CTNNA1: variants seen among roughly 807,000 people sequenced by gnomAD.
CTNNA1 encodes the protein catenin alpha 1.
CTNNA1 carries 37 observed loss-of-function variants against 98.4 expected under a neutral mutation model. The observed-to-expected ratio is 0.38, with a 90% CI of 0.29 to 0.49. The LOEUF (loss-of-function observed/expected upper bound fraction) is 0.49. CTNNA1 is among the 20% of genes least tolerant of loss of function. The pLI is 0.95. For synonymous variants in CTNNA1, 404 were observed against 413.2 expected (o/e 0.98, Z 0.27); for missense variants, 761 against 1,147.2 (o/e 0.66, Z 4.86).
intron 17 of CTNNA1, among the ~76,000 whole-genome samples, chr5:138,933,505 T>A (rs183357590): frequency 1.4e-4 from 22 of 152,370 alleles, no homozygotes; most frequent in African/African-American, 5.0e-4. Flanking sequence ...TGGGATCACT[T>A]ACAGTGACTT....
chr5:138,866,935 C>T (rs546580429), intron 7 of CTNNA1, among the ~76,000 whole-genome samples: 4 of 152,032 alleles, frequency 2.6e-5, no homozygotes, highest in Admixed American at 6.6e-5. Context: ...ACATGACTAC[C>T]CCAAATTTTT....
chr5:138,788,738 C>T (rs1755997283), intron 3 of CTNNA1, among the ~76,000 whole-genome samples: 1 of 152,114 alleles, frequency 6.6e-6, no homozygotes, highest in Non-Finnish European at 1.5e-5. Flanking sequence ...ATGAGAAGAC[C>T]TAAATGAAGC....
chr5:138,777,738 A>G (rs1313892082), intron 1 of CTNNA1, among the ~76,000 whole-genome samples: 3 of 151,148 alleles, frequency 2.0e-5, no homozygotes, highest in African/African-American at 4.9e-5. Context: ...CGCGCCTGCA[A>G]TCACAGGCAC....
chr5:138,820,384 C>T (rs954872267), intron 5 of CTNNA1, among the ~76,000 whole-genome samples: 6 of 152,084 alleles, frequency 3.9e-5, no homozygotes, highest in African/African-American at 1.2e-4. Context: ...GGGCAGGTCA[C>T]AGTCTCGTCC....
At chr5:138,777,289 C>T (rs1754422771) in intron 1 of CTNNA1, among the ~76,000 whole-genome samples, 1 of 151,644 alleles carries the variant, frequency 6.6e-6, no homozygotes, top group African/African-American at 2.4e-5. Context: ...TCCTCACTTC[C>T]TAGATGGGAT....
chr5:138,837,481 C>G (rs1424529220), intron 7 of CTNNA1, among the ~76,000 whole-genome samples: 2 of 104,690 alleles, frequency 1.9e-5, no homozygotes, highest in Non-Finnish European at 3.8e-5. Flanking sequence ...CCTCTTGATC[C>G]TCCCCCTCCT....
At position 138,810,113 on chromosome 5, in the gene CTNNA1, G is replaced by C. The variant is rs371054484; in HGVS notation, c.377G>C (p.Arg126Pro). 6.8e-6 allele frequency: 11 copies of C among 1,614,126 alleles called. No individual in the cohort carries two copies. The highest frequency in any genetic ancestry group is 1.1e-5 in the South Asian group (1 of 91,086). ...CSSVKRGNMV[R>P]AARALLSAVT... Reference sequence around the variant, plus strand: ...TCTGTGAAGCGAGGCAACATGGTTCGGGCAGCTCGAGCTTTGCTCTCTGCT... The same window carrying C: ...TCTGTGAAGCGAGGCAACATGGTTCCGGCAGCTCGAGCTTTGCTCTCTGCT... The change falls in exon 4 of 18, where the codon CGG becomes CCG. Residue 126 changes from arginine (R) to proline (P), a missense_variant. By Grantham distance (103) the Arg-to-Pro change is moderately radical. Around this residue, in one of 6 missense-constraint regions of CTNNA1, gnomAD observed 328 missense variants for 354.3 expected, o/e 0.93. Transcript: ENST00000302763.
intron 2 of CTNNA1, 114 bp from the exon 3 acceptor site, chr5:138,783,063 T>G (rs571250187): frequency 1.3e-6 from 1 of 752,738 alleles, no homozygotes; most frequent in South Asian, 2.4e-5. Context: ...TATGTTAATG[T>G]TCAGTGGAAT....
chr5:138,810,943 G>C (rs1432226496), intron 4 of CTNNA1, among the ~76,000 whole-genome samples: 6 of 140,696 alleles, frequency 4.3e-5, no homozygotes, highest in Non-Finnish European at 9.8e-5. Context: ...CTCCCTCCCG[G>C]ACGGGGCAGC....
At chr5:138,849,566 T>C in intron 7 of CTNNA1, among the ~76,000 whole-genome samples, 1 of 152,242 alleles carries the variant, frequency 6.6e-6, no homozygotes, top group East Asian at 1.9e-4. Context: ...GGAAAATCTT[T>C]ATAGTTAAGC....
Position 138,761,241 on chromosome 5 carries a change from T to C in CTNNA1, c.-3+7731T>C, listed in dbSNP as rs573626184. Among the ~76,000 whole-genome samples the C allele has an allele frequency of 5.3e-5, 8 of 152,322 alleles. No homozygotes were observed. In the East Asian group the frequency reaches 1.5e-3, roughly 29 times the overall value. On this transcript the variant is annotated intron_variant, in intron 1 of 17. Transcript: ENST00000302763. ...TGTGGAGGTGATCACACAACTGTTA[T>C]TTATTTTTTTTGAGACAGAGTCTCA...
intron 10 of CTNNA1, among the ~76,000 whole-genome samples, 162 bp from the exon 11 acceptor site, chr5:138,917,580 A>G (rs879525347): frequency 1.3e-5 from 2 of 152,212 alleles, no homozygotes; most frequent in Non-Finnish European, 2.9e-5. Context: ...ATATGTATTA[A>G]TTCAACTTCA....
At position 138,934,323 on chromosome 5, in the gene CTNNA1, AAAAATT is replaced by A. The variant is rs1416921330; in HGVS notation, c.*235_*240del. 2 of 512,610 alleles carry A rather than the reference AAAAATT, an allele frequency of 3.9e-6. No homozygotes were observed. The highest frequency in any genetic ancestry group is 6.9e-6 in the Non-Finnish European group (2 of 291,300). 31.8% of individuals were successfully genotyped at this position (512,610 alleles called of 1,614,324 possible). On this transcript the variant is annotated 3_prime_UTR_variant, in exon 18 of 18. Transcript: ENST00000302763. ...ATTTTTTGTATGCTTAAATAAAAAT[AAAAATT>A]CATAACCAAAGAGAATCCCACATTA...
chr5:138,889,636 C>A (rs1277629180), intron 9 of CTNNA1, among the ~76,000 whole-genome samples: 1 of 143,482 alleles, frequency 7.0e-6, no homozygotes, highest in African/African-American at 2.6e-5. Context: ...GCCCCCCCAC[C>A]CCCACCCCCC....
intron 1 of CTNNA1, among the ~76,000 whole-genome samples, chr5:138,765,255 G>C (rs998923211): frequency 1.2e-4 from 18 of 152,098 alleles, no homozygotes; most frequent in African/African-American, 4.3e-4. Context: ...TGGCCAGGCT[G>C]GTCTCAAACT....
Position 138,791,615 on chromosome 5 carries a change from C to CAAAAAA in CTNNA1, c.301+8265_301+8270dup, listed in dbSNP as rs1181055311. On this transcript the variant is annotated intron_variant, in intron 3 of 17. Transcript: ENST00000302763. The stretch of plus-strand genomic sequence containing the variant: ...CTGGAGACAGAGCAAGACTCCGTCT[C>CAAAAAA]AAAAAAAAAAAAAAAAAAAAAAAAA... 7.5e-3 allele frequency among the ~76,000 whole-genome samples: 302 copies of CAAAAAA among 40,250 alleles called. 42 individuals are homozygous for CAAAAAA. Among genetic ancestry groups the CAAAAAA allele is most frequent in the African/African-American group, 0.024 (224 of 9,174 alleles). 26.4% of individuals were successfully genotyped at this position (40,250 alleles called of 152,430 possible).
chr5:138,808,343 A>G (rs1339053312), intron 3 of CTNNA1, among the ~76,000 whole-genome samples: 1 of 152,208 alleles, frequency 6.6e-6, no homozygotes, highest in Non-Finnish European at 1.5e-5. Flanking sequence ...AACAAATAAA[A>G]GAATGAATGA....
rs553409678 is a variant in CTNNA1, at chr5:138,796,412, C to T, written c.301+13040C>T. 3.3e-5 allele frequency among the ~76,000 whole-genome samples: 5 copies of T among 152,164 alleles called. No homozygotes were observed. The East Asian group carries it at 5.8e-4, about 18-fold the overall frequency. ...ACAAAAAATTAGCCAGGCGCGGTGG[C>T]GGGCACCTGTAGTCCCAGCTACTGG... On this transcript the variant is annotated intron_variant, in intron 3 of 17. Transcript: ENST00000302763.
chr5:138,777,083 G>A (rs1272129363), intron 1 of CTNNA1, among the ~76,000 whole-genome samples: 52 of 148,886 alleles, frequency 3.5e-4, no homozygotes, highest in Non-Finnish European at 7.4e-5. Flanking sequence ...CGGGCGGAGG[G>A]GCTCCTCACT....
Sources: allele counts gnomAD v4.1 joint callset (sites outside exome capture counted in the v4.1 genomes callset), GRCh38; gene constraint gnomAD v4.1.1; regional missense constraint gnomAD v4.1.1; transcripts MANE v1.5; gene names NCBI Gene and HGNC (gene_info 2026-07-23, HGNC 2026-07-21).